EYS: variants seen among roughly 807,000 people sequenced by gnomAD.
The protein encoded by EYS is protein eyes shut homolog.
A neutral mutation model predicts 282.1 loss-of-function variants in EYS; 250 were observed. The ratio of observed to expected loss-of-function variants is 0.89; its 90% confidence interval spans 0.80 to 0.98. The LOEUF is 0.98. Among genes scored for constraint, EYS ranks in the 50% least tolerant of loss-of-function variants. The pLI, the probability that EYS is intolerant of heterozygous loss-of-function variation, is 0.00. For missense variants in EYS, 4,016 were observed against 3,709.0 expected (o/e 1.08, Z -2.15); for synonymous variants, 1,355 against 1,282.9 (o/e 1.06, Z -1.20).
At chr6:64,125,175 T>TCTCTCTCTCTCGCGCGCGCG (rs1562213596) in intron 31 of EYS, among the ~76,000 whole-genome samples, 1 of 150,306 alleles carries the variant, frequency 6.7e-6, no homozygotes, top group African/African-American at 2.5e-5. Flanking sequence ...TCTCTCTCTC[T>TCTCTCTCTCTCGCGCGCGCG]CGCTCTCTCT....
At chr6:63,816,633 C>T (rs754322092) in intron 36 of EYS, among the ~76,000 whole-genome samples, 89 of 152,310 alleles carry the variant, frequency 5.8e-4, no homozygotes, top group Non-Finnish European at 1.0e-3. Flanking sequence ...GTGCAACTAC[C>T]TCAGCTACAA....
intron 31 of EYS, among the ~76,000 whole-genome samples, chr6:64,085,295 C>T (rs1772106081): frequency 6.6e-6 from 1 of 151,426 alleles, no homozygotes; most frequent in Non-Finnish European, 1.5e-5. Context: ...TTTCTCTCTC[C>T]CCCTCCTTCT....
intron 5 of EYS, among the ~76,000 whole-genome samples, chr6:65,482,360 C>T (rs1357255491): frequency 1.3e-5 from 2 of 152,082 alleles, no homozygotes; most frequent in Non-Finnish European, 2.9e-5. Flanking sequence ...CATGTGACTC[C>T]ATTATTTTTT....
At chr6:64,169,303 C>T (rs116169758) in intron 31 of EYS, among the ~76,000 whole-genome samples, 2,913 of 151,914 alleles carry the variant, frequency 0.019, 82 homozygotes, top group African/African-American at 0.066. Flanking sequence ...AAGAAAAAAA[C>T]AGGAGGTAGC....
chr6:65,404,430 G>A (rs1766639468), intron 6 of EYS, among the ~76,000 whole-genome samples: 1 of 151,882 alleles, frequency 6.6e-6, no homozygotes, highest in African/African-American at 2.4e-5. Context: ...TTTTGGTGGA[G>A]GATGAGGGGC....
chr6:64,762,195 A>C (rs933006089), intron 22 of EYS, among the ~76,000 whole-genome samples: 9 of 152,254 alleles, frequency 5.9e-5, no homozygotes, highest in African/African-American at 2.2e-4. Flanking sequence ...CCAATTAAAA[A>C]TTAAAATATA....
At chr6:65,392,372 G>C (rs552510182) in intron 7 of EYS, among the ~76,000 whole-genome samples, 3 of 152,246 alleles carry the variant, frequency 2.0e-5, no homozygotes, top group Admixed American at 6.5e-5. Context: ...ACTACCATCA[G>C]AGTGAACAGG....
intron 18 of EYS, among the ~76,000 whole-genome samples, chr6:64,889,039 C>G (rs527893301): frequency 4.6e-5 from 7 of 152,098 alleles, no homozygotes; most frequent in Admixed American, 1.3e-4. Context: ...TCAAAATCTA[C>G]TTTGTATTTT....
intron 32 of EYS, among the ~76,000 whole-genome samples, chr6:64,076,047 TG>T (rs1771761026): frequency 1.3e-5 from 2 of 151,966 alleles, no homozygotes; most frequent in Admixed American, 1.3e-4. Context: ...TTGTGCAGCT[TG>T]CAAACATATC....
chr6:65,270,580 G>A (rs987191240), intron 12 of EYS, among the ~76,000 whole-genome samples: 3 of 151,972 alleles, frequency 2.0e-5, no homozygotes, highest in African/African-American at 4.8e-5. Flanking sequence ...TTAATTTCTA[G>A]TTCTTTTTTT....
At chr6:64,297,750 G>A (rs557233923) in intron 30 of EYS, among the ~76,000 whole-genome samples, 1 of 152,086 alleles carries the variant, frequency 6.6e-6, no homozygotes, top group Non-Finnish European at 1.5e-5. Context: ...GGCCGAGGCA[G>A]GTGTATCACC....
chr6:65,671,891 C>T (rs866441439), intron 1 of EYS, among the ~76,000 whole-genome samples: 1 of 152,130 alleles, frequency 6.6e-6, no homozygotes, highest in Non-Finnish European at 1.5e-5. Context: ...AGACTGATTT[C>T]TTCCCTATTT....
chr6:65,109,159 T>A (rs1187190321), intron 12 of EYS, among the ~76,000 whole-genome samples: 1 of 152,060 alleles, frequency 6.6e-6, no homozygotes, highest in Non-Finnish European at 1.5e-5. Context: ...TATTTTTATT[T>A]TTTTCTTTGA....
intron 2 of EYS, among the ~76,000 whole-genome samples, chr6:65,630,759 T>A (rs1226898904): frequency 6.6e-6 from 1 of 152,218 alleles, no homozygotes; most frequent in Non-Finnish European, 1.5e-5. Flanking sequence ...TTACTTTTTA[T>A]ATTTCTATAG....
chr6:65,328,612 C>T (rs1769689033), intron 11 of EYS, among the ~76,000 whole-genome samples: 1 of 150,708 alleles, frequency 6.6e-6, no homozygotes, highest in Non-Finnish European at 1.5e-5. Context: ...GTATTGCTAA[C>T]TGTATTAAAT....
intron 26 of EYS, among the ~76,000 whole-genome samples, chr6:64,560,453 G>A (rs1039260683): frequency 6.6e-6 from 1 of 151,958 alleles, no homozygotes; most frequent in African/African-American, 2.4e-5. Context: ...TTAAAGAAAA[G>A]TTCCATTATG....
chr6:63,942,816 C>T (rs1765283240), intron 35 of EYS, among the ~76,000 whole-genome samples: 1 of 152,190 alleles, frequency 6.6e-6, no homozygotes, highest in Non-Finnish European at 1.5e-5. Flanking sequence ...ACCTCTTCCG[C>T]CTCTGCTATC....
chr6:64,498,408 G>A (rs746554371), intron 26 of EYS, among the ~76,000 whole-genome samples: 1 of 151,606 alleles, frequency 6.6e-6, no homozygotes, highest in Non-Finnish European at 1.5e-5. Flanking sequence ...CCAAATAGTC[G>A]GTTTAGTATA....
At chr6:65,590,634 C>T (rs952497053) in intron 2 of EYS, among the ~76,000 whole-genome samples, 2 of 151,890 alleles carry the variant, frequency 1.3e-5, no homozygotes, top group African/African-American at 4.8e-5. Flanking sequence ...TCCCCCACTC[C>T]CAAATCCCTC....
Sources: allele counts gnomAD v4.1 joint callset (sites outside exome capture counted in the v4.1 genomes callset), GRCh38; gene constraint gnomAD v4.1.1; transcripts MANE v1.5; gene names NCBI Gene and HGNC (gene_info 2026-07-23, HGNC 2026-07-21).